MAP3K20: variants seen among roughly 807,000 people sequenced by gnomAD.
MAP3K20 encodes mitogen-activated protein kinase kinase kinase 20, also known as HCCS-4.
A neutral mutation model predicts 85.7 loss-of-function variants in MAP3K20; 40 were observed. That is an observed-to-expected ratio of 0.47 (90% CI 0.36 to 0.61). The LOEUF (loss-of-function observed/expected upper bound fraction) is 0.61, where lower values mean the gene tolerates loss of function less well. Ranked by LOEUF, MAP3K20 falls within the 20% of genes least tolerant of loss-of-function variation. The pLI is 0.00. For missense variants in MAP3K20, 817 were observed against 961.7 expected, an observed-to-expected ratio of 0.85 and a Z score of 1.99; for synonymous variants, 325 against 327.7, an observed-to-expected ratio of 0.99 and a Z score of 0.09.
chr2:173,210,953 T>G (rs1231086798), intron 10 of MAP3K20: 2 of 152,200 alleles, frequency 1.3e-5, no homozygotes, highest in Admixed American at 1.3e-4. Context: ...GAATTTTTAT[T>G]TAGGGATACA....
chr2:173,262,109 G>A (rs1294152688), intron 18 of MAP3K20, among the ~76,000 whole-genome samples: 2 of 152,128 alleles, frequency 1.3e-5, no homozygotes, highest in African/African-American at 4.8e-5. Context: ...GTCTTGAGGT[G>A]TGAGGTCCTC....
In MAP3K20 at chr2:173,167,283, G is replaced by A. The variant is rs535097904; in HGVS notation, c.160-2522G>A. ...AAGGCAAAATCCAGAGAGTATATCT[G>A]CTTGCTGTCAGAGGGTGATTGCAAC... On this transcript the variant is annotated intron_variant, in intron 2 of 19. Coordinates refer to ENST00000375213, the MANE Select transcript of MAP3K20 (RefSeq NM_016653.3). Among the ~76,000 whole-genome samples, 6 of 152,116 alleles carry A rather than the reference G, an allele frequency of 3.9e-5. No homozygotes were observed. In the South Asian group the frequency reaches 1.2e-3, roughly 32 times the overall value.
At chr2:173,078,547 T>C (rs1003673776) in intron 1 of MAP3K20, among the ~76,000 whole-genome samples, 1 of 152,182 alleles carries the variant, frequency 6.6e-6, no homozygotes, top group East Asian at 1.9e-4. Flanking sequence ...AGAGCTTAGA[T>C]TGATTCGACT....
At chr2:173,130,924 G>A (rs987677894) in intron 2 of MAP3K20, among the ~76,000 whole-genome samples, 14 of 152,114 alleles carry the variant, frequency 9.2e-5, no homozygotes, top group African/African-American at 3.4e-4. Context: ...TGAAACATGT[G>A]GCTATGACTA....
intron 2 of MAP3K20, among the ~76,000 whole-genome samples, chr2:173,125,787 T>C (rs561409559): frequency 6.6e-6 from 1 of 152,152 alleles, no homozygotes; most frequent in South Asian, 2.1e-4. Flanking sequence ...CTCAGTCTCC[T>C]GAGTAGCTGG....
intron 19 of MAP3K20, among the ~76,000 whole-genome samples, chr2:173,264,924 AAC>A (rs1553470071): frequency 6.6e-6 from 1 of 152,178 alleles, no homozygotes; most frequent in Non-Finnish European, 1.5e-5. Flanking sequence ...TGCAAGATGA[AAC>A]AGTTACAGAG....
intron 2 of MAP3K20, among the ~76,000 whole-genome samples, chr2:173,142,412 C>T (rs1689002397): frequency 6.6e-6 from 1 of 151,048 alleles, no homozygotes. Flanking sequence ...GTGGAGGTTG[C>T]AGTGAGCTGA....
intron 11 of MAP3K20, chr2:173,222,694 C>T: frequency 3.0e-6 from 3 of 985,294 alleles, no homozygotes; most frequent in Non-Finnish European, 2.4e-6. Flanking sequence ...ATAAGTTATC[C>T]TCACTTAGGC....
In MAP3K20 at chr2:173,229,740, T is replaced by A. The variant is rs1684478278; in HGVS notation, c.1032+7T>A. The A allele has an allele frequency of 6.2e-7, 1 of 1,614,034 alleles. No homozygotes were observed. The highest frequency in any genetic ancestry group is 8.5e-7 in the Non-Finnish European group (1 of 1,180,014). ...ATGGACGGAAGACGATGTGGTAAGC[T>A]CTTTGTATTCATGCCTTATTTGACT... On this transcript the variant is annotated splice_region_variant and intron_variant, in intron 12 of 19. Transcript: ENST00000375213.
At chr2:173,142,268 C>T (rs1003476149) in intron 2 of MAP3K20, among the ~76,000 whole-genome samples, 17 of 151,922 alleles carry the variant, frequency 1.1e-4, no homozygotes, top group African/African-American at 2.9e-4. Context: ...GTCAGGAGAT[C>T]GAGACCATCC....
chr2:173,183,701 T>C (rs973395391), intron 4 of MAP3K20, among the ~76,000 whole-genome samples: 3 of 152,194 alleles, frequency 2.0e-5, no homozygotes, highest in Admixed American at 6.5e-5. Flanking sequence ...CCGATAGTTA[T>C]ATTTGTATTC....
At chr2:173,079,878 T>A (rs1686966891) in intron 1 of MAP3K20, among the ~76,000 whole-genome samples, 1 of 151,090 alleles carries the variant, frequency 6.6e-6, no homozygotes, top group South Asian at 2.1e-4. Context: ...AGGACCTGCC[T>A]CAGTTAATTT....
At position 173,190,878 on chromosome 2, in the gene MAP3K20, C is replaced by T. The variant is rs1690626782; in HGVS notation, c.416-17C>T. 1 of 1,577,094 alleles carries T rather than the reference C, an allele frequency of 6.3e-7. No individual in the cohort carries two copies. The highest frequency in any genetic ancestry group is 8.7e-7 in the Non-Finnish European group (1 of 1,154,848). On this transcript the variant is annotated splice_polypyrimidine_tract_variant and intron_variant, in intron 5 of 19. Coordinates refer to ENST00000375213, the MANE Select transcript of MAP3K20 (RefSeq NM_016653.3). ...AATTAGATGATTGTCATAATTTATCCTTTTTTCTTTTTTTAGTTGTTATAG... is the reference window on the plus strand; with the variant it reads ...AATTAGATGATTGTCATAATTTATCTTTTTTTCTTTTTTTAGTTGTTATAG...
rs190221199 is a variant in MAP3K20, at chr2:173,079,744, A to C, written c.-35+3742A>C. Reference sequence around the variant, plus strand: ...AGCCCCACATGGGGTTAGGATCGTCAATATCACTGTTTTCTACCTCCACAT... The same window carrying C: ...AGCCCCACATGGGGTTAGGATCGTCCATATCACTGTTTTCTACCTCCACAT... On this transcript the variant is annotated intron_variant, in intron 1 of 19. Coordinates refer to ENST00000375213, the MANE Select transcript of MAP3K20 (RefSeq NM_016653.3). Among the ~76,000 whole-genome samples, 190 of 152,314 alleles carry C rather than the reference A, an allele frequency of 1.2e-3. 3 individuals carry two copies. Among genetic ancestry groups the C allele is most frequent in the African/African-American group, 4.4e-3 (182 of 41,558 alleles).
chr2:173,076,330 G>C (rs577910680), intron 1 of MAP3K20, among the ~76,000 whole-genome samples: 18 of 152,260 alleles, frequency 1.2e-4, no homozygotes, highest in African/African-American at 3.8e-4. Flanking sequence ...GCGCAGGCCG[G>C]AGCGGCCCCG....
intron 16 of MAP3K20, among the ~76,000 whole-genome samples, chr2:173,242,867 C>T (rs569822392): frequency 1.8e-4 from 27 of 151,890 alleles, no homozygotes; most frequent in African/African-American, 4.8e-4. Flanking sequence ...CCACCACACC[C>T]GGCTAATTTT....
chr2:173,139,124 T>G (rs1688893907), intron 2 of MAP3K20, among the ~76,000 whole-genome samples: 1 of 152,240 alleles, frequency 6.6e-6, no homozygotes. Context: ...TTACATTATT[T>G]CCTTGCAAAT....
intron 14 of MAP3K20, among the ~76,000 whole-genome samples, chr2:173,234,316 T>C (rs1026070712): frequency 6.6e-6 from 1 of 152,170 alleles, no homozygotes; most frequent in Admixed American, 6.5e-5. Flanking sequence ...CGGTATCATT[T>C]AGGCAAGCGA....
chr2:173,170,301 T>G (rs973959161), intron 3 of MAP3K20, among the ~76,000 whole-genome samples: 19 of 152,226 alleles, frequency 1.2e-4, no homozygotes, highest in Admixed American at 7.9e-4. Flanking sequence ...AGAGCATTCT[T>G]TCTTCAAGGT....
Sources: gnomAD v4.1 joint callset for allele counts (sites outside exome capture counted in the v4.1 genomes callset) on GRCh38, gnomAD v4.1.1 for gene constraint, MANE v1.5 for transcripts, NCBI Gene and HGNC (gene_info 2026-07-23, HGNC 2026-07-21) for gene names.